LARS2: variants seen among roughly 807,000 people sequenced by gnomAD.
LARS2 encodes leucine--tRNA ligase, mitochondrial.
In LARS2, 81 loss-of-function variants were observed where a neutral mutation model predicts 116.6. The ratio of observed to expected loss-of-function variants is 0.69; its 90% CI spans 0.58 to 0.84. The LOEUF (loss-of-function observed/expected upper bound fraction) is 0.84. Among genes scored for constraint, LARS2 ranks in the 40% least tolerant of loss-of-function variants. The pLI is 0.00. For synonymous variants in LARS2, 396 were observed against 407.2 expected, an observed-to-expected ratio of 0.97 and a Z score of 0.33; for missense variants, 968 against 1,114.5, an observed-to-expected ratio of 0.87 and a Z score of 1.87.
intron 6 of LARS2, among the ~76,000 whole-genome samples, chr3:45,433,840 C>A (rs549217745): frequency 6.6e-6 from 1 of 152,134 alleles, no homozygotes; most frequent in African/African-American, 2.4e-5. Context: ...ATTTCCCCTT[C>A]GTTTCTGAAG....
chr3:45,533,641 TG>T (rs1313359647), intron 20 of LARS2, among the ~76,000 whole-genome samples: 1 of 152,186 alleles, frequency 6.6e-6, no homozygotes, highest in African/African-American at 2.4e-5. Context: ...CTGATGTAAA[TG>T]GGATTTTCAG....
At chr3:45,414,364 G>A (rs1024500270) in intron 4 of LARS2, among the ~76,000 whole-genome samples, 2 of 152,078 alleles carry the variant, frequency 1.3e-5, no homozygotes, top group East Asian at 3.8e-4. Flanking sequence ...TAGAATAACA[G>A]GTGAGTCTTA....
Position 45,520,216 on chromosome 3 carries a change from T to G in LARS2, c.2215-3T>G. The stretch of plus-strand genomic sequence containing the variant: ...AAGTAAATAATTGAACCTTTACTAA[T>G]AGGTGACCACCCATTTCACAGAGGA... On this transcript the variant is annotated splice_region_variant and splice_polypyrimidine_tract_variant and intron_variant, in intron 18 of 21. Transcript: ENST00000645846. 6.2e-7 allele frequency: 1 copy of G among 1,604,370 alleles called. No homozygotes were observed. The highest frequency in any genetic ancestry group is 8.5e-7 in the Non-Finnish European group (1 of 1,171,112).
At chr3:45,432,487 G>A (rs1260289771) in intron 6 of LARS2, among the ~76,000 whole-genome samples, 1 of 151,976 alleles carries the variant, frequency 6.6e-6, no homozygotes, top group African/African-American at 2.4e-5. Context: ...TCAGTAACAG[G>A]AGGAAAATTG....
At chr3:45,547,257 A>G (rs1174526385) in intron 21 of LARS2, 94 bp from the exon 22 acceptor site, 1 of 1,124,886 alleles carries the variant, frequency 8.9e-7, no homozygotes, top group East Asian at 2.4e-5. Context: ...AAACAAATGC[A>G]GCCATGCCCT....
At chr3:45,443,539 G>A (rs1263378247) in intron 6 of LARS2, among the ~76,000 whole-genome samples, 1 of 152,150 alleles carries the variant, frequency 6.6e-6, no homozygotes, top group Non-Finnish European at 1.5e-5. Context: ...TCTTCATGGA[G>A]TGGACATTAC....
chr3:45,467,399 A>C (rs746209308), intron 8 of LARS2, among the ~76,000 whole-genome samples: 5 of 152,244 alleles, frequency 3.3e-5, no homozygotes, highest in Admixed American at 6.5e-5. Flanking sequence ...TCTAAGTGTC[A>C]GATTTGCTCA....
At chr3:45,443,688 G>A (rs910029186) in intron 6 of LARS2, among the ~76,000 whole-genome samples, 1 of 152,176 alleles carries the variant, frequency 6.6e-6, no homozygotes, top group Non-Finnish European at 1.5e-5. Context: ...ACTTATGAGT[G>A]CTGTGAATAT....
intron 6 of LARS2, among the ~76,000 whole-genome samples, chr3:45,438,392 G>C (rs1215094606): frequency 6.6e-6 from 1 of 152,098 alleles, no homozygotes; most frequent in African/African-American, 2.4e-5. Context: ...CTGCCACCCA[G>C]GAGCTGGGCA....
chr3:45,428,504 C>T (rs1351544881), intron 6 of LARS2, among the ~76,000 whole-genome samples: 1 of 152,130 alleles, frequency 6.6e-6, no homozygotes, highest in Non-Finnish European at 1.5e-5. Context: ...CTCAGCCTCC[C>T]AAAGTGCTGG....
At chr3:45,529,218 G>A (rs924601527) in intron 20 of LARS2, among the ~76,000 whole-genome samples, 10 of 151,934 alleles carry the variant, frequency 6.6e-5, no homozygotes, top group African/African-American at 2.2e-4. Context: ...TTGAATTTAC[G>A]CACTCCCTAT....
chr3:45,446,781 A>C, intron 6 of LARS2, 110 bp from the exon 7 acceptor site: 1 of 616,680 alleles, frequency 1.6e-6, no homozygotes, highest in Non-Finnish European at 2.9e-6. Context: ...TGAGCTGGTA[A>C]ATATTTTTGT....
chr3:45,464,373 G>A (rs767257949), intron 8 of LARS2, among the ~76,000 whole-genome samples: 6 of 152,190 alleles, frequency 3.9e-5, no homozygotes, highest in Non-Finnish European at 8.8e-5. Context: ...GGGGACCTTT[G>A]TTCCACCTCT....
intron 6 of LARS2, among the ~76,000 whole-genome samples, chr3:45,428,491 C>T (rs1464966735): frequency 7.2e-5 from 11 of 151,950 alleles, no homozygotes; most frequent in Admixed American, 5.2e-4. Context: ...GTGATCCACC[C>T]GCCTCAGCCT....
At chr3:45,415,718 T>A (rs1698401943) in intron 4 of LARS2, among the ~76,000 whole-genome samples, 1 of 151,660 alleles carries the variant, frequency 6.6e-6, no homozygotes, top group African/African-American at 2.4e-5. Context: ...TGTGGGGGTA[T>A]GTGCCTGTAA....
At chr3:45,401,760 G>A (rs1698157038) in intron 4 of LARS2, among the ~76,000 whole-genome samples, 1 of 152,046 alleles carries the variant, frequency 6.6e-6, no homozygotes, top group African/African-American at 2.4e-5. Context: ...GACTATAGGT[G>A]TGTGCCACCA....
At chr3:45,456,839 A>G (rs944719580) in intron 7 of LARS2, among the ~76,000 whole-genome samples, 10 of 152,168 alleles carry the variant, frequency 6.6e-5, no homozygotes, top group African/African-American at 2.2e-4. Context: ...TACTGCTTCT[A>G]TATGTAAAAT....
intron 20 of LARS2, among the ~76,000 whole-genome samples, chr3:45,529,291 G>A (rs1700579492): frequency 6.6e-6 from 1 of 152,078 alleles, no homozygotes; most frequent in Non-Finnish European, 1.5e-5. Context: ...TAGCCGCCGG[G>A]CACGGTAGCT....
At chr3:45,511,273 G>A (rs1163470373) in intron 15 of LARS2, among the ~76,000 whole-genome samples, 1 of 152,226 alleles carries the variant, frequency 6.6e-6, no homozygotes, top group African/African-American at 2.4e-5. Context: ...TGGGTGCACT[G>A]CTGAGGACCT....
Sources: allele counts gnomAD v4.1 joint callset (sites outside exome capture counted in the v4.1 genomes callset), GRCh38; gene constraint gnomAD v4.1.1; transcripts MANE v1.5; gene names NCBI Gene and HGNC (gene_info 2026-07-23, HGNC 2026-07-21).